Variants in IFRD1 observed in about 807,000 individuals in gnomAD.
IFRD1 encodes interferon related developmental regulator 1, also known as interferon-related developmental regulator 1.
In IFRD1, 35 loss-of-function variants were observed where a neutral mutation model predicts 52.9. The ratio of observed to expected loss-of-function variants is 0.66; its 90% CI spans 0.51 to 0.88. IFRD1 has a LOEUF of 0.88. Among genes scored for constraint, IFRD1 ranks in the 40% least tolerant of loss-of-function variants. The pLI, the probability that IFRD1 is intolerant of heterozygous loss-of-function variation, is 0.00. For synonymous variants in IFRD1, 184 were observed against 188.4 expected (o/e 0.98, Z 0.19); for missense variants, 517 against 550.8 (o/e 0.94, Z 0.61).
Position 112,450,514 on chromosome 7 carries a change from A to G in IFRD1, c.-175A>G, listed in dbSNP as rs1447393351. 3.1e-6 allele frequency: 2 copies of G among 648,768 alleles called. No homozygotes were observed. The highest frequency in any genetic ancestry group is 3.4e-5 in the South Asian group (2 of 58,006). The allele number at this position is 648,768 out of a possible 1,614,324, so 40.2% of individuals were successfully genotyped here. A position where few individuals can be genotyped will look rare whatever the true frequency, so the allele number is the denominator to read the frequency against. ...GTATCGTTTTCGATCACAGCTCTTC[A>G]CGGGGATTTCTGCTGCCGCCACCGC... On this transcript the variant is annotated 5_prime_UTR_variant, in exon 1 of 12. Transcript: ENST00000403825.
intron 9 of IFRD1, among the ~76,000 whole-genome samples, chr7:112,471,689 G>A (rs919204147): frequency 2.6e-5 from 4 of 151,996 alleles, no homozygotes; most frequent in Non-Finnish European, 5.9e-5. Flanking sequence ...TAAAATCTTA[G>A]ATTCTAGTGT....
At chr7:112,456,287 G>A (rs1795289934) in intron 3 of IFRD1, among the ~76,000 whole-genome samples, 1 of 152,166 alleles carries the variant, frequency 6.6e-6, no homozygotes, top group African/African-American at 2.4e-5. Context: ...GGACTTTAAT[G>A]TGGGTAGTAA....
chr7:112,434,575 T>A (rs1241604344), intron 1 of IFRD1, among the ~76,000 whole-genome samples: 2 of 152,246 alleles, frequency 1.3e-5, no homozygotes, highest in Admixed American at 6.5e-5. Context: ...AAATTAAATT[T>A]AAGATTAACT....
intron 1 of IFRD1, among the ~76,000 whole-genome samples, chr7:112,432,585 T>G (rs537186873): frequency 6.6e-6 from 1 of 152,318 alleles, no homozygotes; most frequent in South Asian, 2.1e-4. Context: ...AGTATGACTA[T>G]CCCCATTTTA....
intron 1 of IFRD1, among the ~76,000 whole-genome samples, chr7:112,428,520 A>C (rs951485708): frequency 3.5e-5 from 5 of 144,552 alleles, no homozygotes; most frequent in African/African-American, 1.0e-4. Context: ...TTAAATGGGC[A>C]TGGCTTGGTG....
intron 9 of IFRD1, 121 bp downstream of exon 9, chr7:112,468,236 C>T (rs1024570): frequency 0.48 from 559,683 of 1,160,568 alleles, 138,317 homozygotes; most frequent in Non-Finnish European, 0.51. Flanking sequence ...TCTCATTTTA[C>T]GACCTAGCAG....
chr7:112,457,861 T>C (rs1795334724), intron 4 of IFRD1: 1 of 152,184 alleles, frequency 6.6e-6, no homozygotes, highest in African/African-American at 2.4e-5. Flanking sequence ...TTTTAAAAAA[T>C]TGAATGAACT....
At chr7:112,451,708 A>G (rs1160489967) in intron 1 of IFRD1, among the ~76,000 whole-genome samples, 4 of 152,220 alleles carry the variant, frequency 2.6e-5, no homozygotes, top group Non-Finnish European at 5.9e-5. Context: ...AGGCCCTTCT[A>G]GGAGAGACCC....
chr7:112,436,730 A>T (rs534113453), intron 1 of IFRD1, among the ~76,000 whole-genome samples: 1 of 152,188 alleles, frequency 6.6e-6, no homozygotes, highest in African/African-American at 2.4e-5. Context: ...TGTGTATTAT[A>T]GTATACAACC....
At chr7:112,465,416 A>G (rs747206425) in intron 8 of IFRD1, among the ~76,000 whole-genome samples, 7 of 152,176 alleles carry the variant, frequency 4.6e-5, no homozygotes, top group Non-Finnish European at 8.8e-5. Flanking sequence ...TCCTAATTCC[A>G]TTCAACTTTT....
At chr7:112,459,093 C>A in intron 5 of IFRD1, 75 bp downstream of exon 5, 1 of 1,250,148 alleles carries the variant, frequency 8.0e-7, no homozygotes, top group Non-Finnish European at 1.2e-6. Context: ...TAGTACTGTA[C>A]CAGCTACTCA....
chr7:112,473,711 C>A (rs1326325980), intron 11 of IFRD1, among the ~76,000 whole-genome samples: 2 of 152,138 alleles, frequency 1.3e-5, no homozygotes, highest in Admixed American at 1.3e-4. Flanking sequence ...AGGCATGAGC[C>A]ACCATGACCA....
chr7:112,468,773 C>T (rs55714034), intron 9 of IFRD1, among the ~76,000 whole-genome samples: 9,288 of 152,290 alleles, frequency 0.061, 307 homozygotes, highest in South Asian at 0.096. Context: ...GCTGGGATTA[C>T]AGGCGTGAGC....
intron 9 of IFRD1, among the ~76,000 whole-genome samples, chr7:112,470,328 G>C (rs1055911496): frequency 2.0e-5 from 3 of 152,208 alleles, no homozygotes; most frequent in African/African-American, 7.2e-5. Context: ...TAGGTCAAGT[G>C]AGAAAGTAAC....
chr7:112,475,217 C>G (rs1177922329), intron 11 of IFRD1, among the ~76,000 whole-genome samples: 1 of 152,212 alleles, frequency 6.6e-6, no homozygotes, highest in African/African-American at 2.4e-5. Context: ...CTCGGCCTCC[C>G]AGAGTGCTGG....
intron 1 of IFRD1, among the ~76,000 whole-genome samples, chr7:112,442,889 C>T (rs1009834225): frequency 5.3e-5 from 8 of 152,196 alleles, no homozygotes; most frequent in African/African-American, 1.9e-4. Context: ...TGTGTGAGTT[C>T]TAGCACTGTC....
intron 1 of IFRD1, 165 bp downstream of exon 1, chr7:112,450,947 C>G (rs1795145093): frequency 1.5e-6 from 1 of 663,330 alleles, no homozygotes; most frequent in South Asian, 1.7e-5. Context: ...GCCCTGGGCG[C>G]TGCTCCTCGC....
rs1795128068 is a variant in IFRD1 at position 112,450,573 on chromosome 7, G to T, written c.-116G>T. The stretch of plus-strand genomic sequence containing the variant: ...ACCCCCGCCGCTTCTCGACTCTGTT[G>T]TTAGCCGAAGACTCGCCTCTCAGCC... On this transcript the variant is annotated 5_prime_UTR_variant, in exon 1 of 12. Coordinates refer to ENST00000403825, the MANE Select transcript of IFRD1 (RefSeq NM_001550.4). The T allele has an allele frequency of 1.0e-5, 8 of 788,018 alleles. No individual in the cohort carries two copies. The East Asian group carries it at 2.1e-4, about 21-fold the overall frequency. 48.8% of individuals were successfully genotyped at this position (788,018 alleles called of 1,614,324 possible). A position where few individuals can be genotyped will look rare whatever the true frequency, so the allele number is the denominator to read the frequency against.
intron 8 of IFRD1, 142 bp downstream of exon 8, chr7:112,462,520 G>A (rs1795467436): frequency 1.4e-6 from 1 of 714,804 alleles, no homozygotes; most frequent in South Asian, 1.5e-5. Flanking sequence ...CTTCTTGGCA[G>A]TGGTGGTGTA....
Sources: allele counts gnomAD v4.1 joint callset (sites outside exome capture counted in the v4.1 genomes callset), GRCh38; gene constraint gnomAD v4.1.1; transcripts MANE v1.5; gene names NCBI Gene and HGNC (gene_info 2026-07-23, HGNC 2026-07-21).